The following NRAP variants were observed in gnomAD, a reference collection of about 807,000 sequenced individuals.
The protein encoded by NRAP is nebulin related anchoring protein, also known as nebulin-related-anchoring protein.
A neutral mutation model predicts 225.9 loss-of-function variants in NRAP; 189 were observed. That is an observed-to-expected ratio of 0.84 (90% CI 0.74 to 0.94). The LOEUF (loss-of-function observed/expected upper bound fraction) is 0.94, where lower values mean the gene tolerates loss of function less well. Ranked by LOEUF, NRAP falls within the 40% of genes least tolerant of loss-of-function variation. The pLI is 0.00. For synonymous variants in NRAP, 769 were observed against 790.7 expected (o/e 0.97, Z 0.46); for missense variants, 2,176 against 2,168.7 (o/e 1.00, Z -0.07).
rs759224273 is a variant in NRAP, at chr10:113,617,350, C to T, written c.2973+105G>A. 162 of 753,662 alleles carry T rather than the reference C, an allele frequency of 2.1e-4. 1 individual carries two copies. Among genetic ancestry groups the T allele is most frequent in the Admixed American group, 3.3e-4 (18 of 54,062 alleles). 46.7% of individuals were successfully genotyped at this position (753,662 alleles called of 1,614,324 possible). A position where few individuals can be genotyped will look rare whatever the true frequency, so the allele number is the denominator to read the frequency against. The stretch of plus-strand genomic sequence containing the variant: ...GCAAAGGACAGGGAGCGCCTTCATC[C>T]TTAGGACAACAGAAGGAGCAAACCC... On this transcript the variant is annotated intron_variant, in intron 26 of 41. Transcript: ENST00000359988.
intron 2 of NRAP, 121 bp from the exon 3 acceptor site, chr10:113,662,887 C>A: frequency 6.1e-6 from 3 of 495,694 alleles, no homozygotes; most frequent in Non-Finnish European, 6.9e-6. Flanking sequence ...AAATGTAAAA[C>A]TTAAAAATTA....
intron 40 of NRAP, 41 bp downstream of exon 40, chr10:113,590,537 C>G (rs926659635): frequency 1.3e-6 from 2 of 1,582,194 alleles, no homozygotes; most frequent in Non-Finnish European, 1.7e-6. Flanking sequence ...GGAAGAGGCA[C>G]CAGGGGAAGG....
intron 11 of NRAP, 108 bp downstream of exon 11, chr10:113,645,717 G>A (rs1283807400): frequency 9.8e-6 from 6 of 609,386 alleles, no homozygotes; most frequent in Admixed American, 5.7e-5. Context: ...GCACCTGGCC[G>A]GTGTCACACT....
intron 14 of NRAP, among the ~76,000 whole-genome samples, chr10:113,639,680 A>C (rs2134086766): frequency 6.6e-6 from 1 of 152,340 alleles, no homozygotes; most frequent in East Asian, 1.9e-4. Context: ...TAATCAGGAA[A>C]CAAGAAATTT....
intron 11 of NRAP, among the ~76,000 whole-genome samples, chr10:113,645,503 C>T (rs944937314): frequency 9.2e-5 from 14 of 152,288 alleles, no homozygotes; most frequent in African/African-American, 3.4e-4. Context: ...CCGCGACCTC[C>T]GCCTCCCGAG....
At chr10:113,589,562 A>G in intron 41 of NRAP, 104 bp downstream of exon 41, 6 of 1,378,954 alleles carry the variant, frequency 4.4e-6, no homozygotes, top group Non-Finnish European at 5.9e-6. Flanking sequence ...ACTTCTTTAG[A>G]GCTAGCTGAC....
At chr10:113,648,480 T>TATATA (rs1240585848) in intron 9 of NRAP, among the ~76,000 whole-genome samples, 1 of 149,120 alleles carries the variant, frequency 6.7e-6, no homozygotes, top group African/African-American at 2.5e-5. Context: ...TATATATATA[T>TATATA]ATATATATAT....
At chr10:113,632,480 A>C (rs1395724592) in intron 16 of NRAP, among the ~76,000 whole-genome samples, 1 of 152,204 alleles carries the variant, frequency 6.6e-6, no homozygotes, top group Non-Finnish European at 1.5e-5. Flanking sequence ...GAAATTAAAG[A>C]GCTCACCTAC....
rs755651666 is a variant in NRAP at position 113,610,504 on chromosome 10, C to T, written c.3558G>A (p.Thr1186=). The change falls in exon 31 of 42, where the codon ACG becomes ACA. Residue 1186 remains threonine (T), a synonymous_variant. Transcript: ENST00000359988. ...MRGVACVIPG[T]LEIEGRKKAS... ...CTTTCTTCCTCCCTTCAATCTCTAA[C>T]GTGCCTGGAATGACACATGCAACAC... The T allele has an allele frequency of 5.0e-5, 80 of 1,604,560 alleles. 1 individual carries two copies. The highest frequency in any genetic ancestry group is 5.9e-5 in the Non-Finnish European group (69 of 1,171,304).
At chr10:113,638,686 A>G (rs1849019309) in intron 14 of NRAP, among the ~76,000 whole-genome samples, 1 of 152,182 alleles carries the variant, frequency 6.6e-6, no homozygotes, top group Non-Finnish European at 1.5e-5. Context: ...TTTCAAGAAA[A>G]GGTGAGCGTA....
In NRAP at chr10:113,610,370, AAAAG is replaced by A; in HGVS notation, c.3603+85_3603+88del. On this transcript the variant is annotated intron_variant, in intron 31 of 41. Coordinates refer to ENST00000359988, the MANE Select transcript of NRAP (RefSeq NM_198060.4). The stretch of plus-strand genomic sequence containing the variant: ...ATCTCAAATTAAAAAAAAAAAAAAA[AAAAG>A]GAAGAAAGAAAAAGGAAAGAAACAA... 12 of 698,328 alleles carry A rather than the reference AAAAG, an allele frequency of 1.7e-5. No individual in the cohort carries two copies. In the South Asian group the frequency reaches 2.0e-4, roughly 11 times the overall value. 43.3% of individuals were successfully genotyped at this position (698,328 alleles called of 1,614,324 possible).
chr10:113,623,620 CT>C lies in NRAP; in HGVS notation c.2365del (p.Ser789AlafsTer17), dbSNP rs774432234. The C allele has an allele frequency of 6.2e-7, 1 of 1,613,692 alleles. No individual in the cohort carries two copies. Among genetic ancestry groups the C allele is most frequent in the South Asian group, 1.1e-5 (1 of 91,014 alleles). On this transcript the variant is annotated frameshift_variant, in exon 23 of 42. Transcript: ENST00000359988. LOFTEE classifies it high-confidence loss of function. ...CCCTTTTGCTTTCTGGTTTTCCCAG[CT>C]GCTCTTATACAGTTTCTAAGGGGAT... ...ANLSEKLYKSSWENQKAKGFE... is the reference protein window; with the variant it reads ...ANLSEKLYKSXWENQKAKGFE...
chr10:113,609,649 T>C (rs1240476700), intron 31 of NRAP, among the ~76,000 whole-genome samples: 1 of 152,166 alleles, frequency 6.6e-6, no homozygotes, highest in Non-Finnish European at 1.5e-5. Context: ...CTTAGATTAG[T>C]GCTAATCCTC....
In NRAP at chr10:113,590,774, T is replaced by C; in HGVS notation, c.4760A>G (p.Asn1587Ser). Reference protein sequence around the residue: ...FLNVGRLQSDNEYKKDFAKSR... With the variant: ...FLNVGRLQSDSEYKKDFAKSR... ...CTTGGCAAAGTCCTTCTTGTACTCA[T>C]TGTCACTCTGGAGCCTGCCAACGTT... The change falls in exon 40 of 42, where the codon AAT (asparagine) becomes AGT (serine). Residue 1587 changes from asparagine (N) to serine (S), a missense_variant. By Grantham distance (46) the Asn-to-Ser change is conservative. Coordinates refer to ENST00000359988, the MANE Select transcript of NRAP (RefSeq NM_198060.4). The C allele has an allele frequency of 6.2e-7, 1 of 1,614,194 alleles. No individual in the cohort carries two copies. The highest frequency in any genetic ancestry group is 2.2e-5 in the East Asian group (1 of 44,892).
intron 3 of NRAP, among the ~76,000 whole-genome samples, chr10:113,660,036 G>A (rs1004949895): frequency 1.4e-5 from 2 of 146,350 alleles, no homozygotes; most frequent in African/African-American, 5.0e-5. Context: ...AAAGGAGAAA[G>A]TGATCTCAGT....
In NRAP at chr10:113,646,922, C is replaced by T. The variant is rs112223690; in HGVS notation, c.993+1G>A. 2.0e-5 allele frequency: 32 copies of T among 1,606,126 alleles called. No homozygotes were observed. The Admixed American group carries it at 4.2e-4, about 21-fold the overall frequency. On this transcript the variant is annotated splice_donor_variant, in intron 10 of 41. Transcript: ENST00000359988. LOFTEE classifies it high-confidence loss of function. The stretch of plus-strand genomic sequence containing the variant: ...TGTGGTCACACCTACATGGTACTTA[C>T]GTCACTAGCGAGTTCGTGAGCTTTC...
At chr10:113,637,939 C>A (rs184862409) in intron 14 of NRAP, among the ~76,000 whole-genome samples, 1 of 149,752 alleles carries the variant, frequency 6.7e-6, no homozygotes, top group East Asian at 2.0e-4. Flanking sequence ...AAAAAAAAAT[C>A]ATTTTGTGCT....
At chr10:113,643,368 T>A (rs1849318295) in intron 11 of NRAP, among the ~76,000 whole-genome samples, 1 of 152,216 alleles carries the variant, frequency 6.6e-6, no homozygotes, top group African/African-American at 2.4e-5. Context: ...CGGGGATAAA[T>A]CATATTTCCT....
At chr10:113,647,773 T>C (rs927364607) in intron 9 of NRAP, among the ~76,000 whole-genome samples, 20 of 152,120 alleles carry the variant, frequency 1.3e-4, no homozygotes, top group African/African-American at 4.8e-4. Flanking sequence ...ATGTTTGTAA[T>C]ATGGGAGGAA....
Sources: gnomAD v4.1 joint callset for allele counts (sites outside exome capture counted in the v4.1 genomes callset) on GRCh38, gnomAD v4.1.1 for gene constraint, MANE v1.5 for transcripts, NCBI Gene and HGNC (gene_info 2026-07-23, HGNC 2026-07-21) for gene names.